The following TTC38 variants were observed in gnomAD, a reference collection of about 807,000 sequenced individuals.
TTC38 encodes tetratricopeptide repeat protein 38.
A neutral mutation model predicts 64.2 loss-of-function variants in TTC38; 64 were observed. The ratio of observed to expected loss-of-function variants is 1.00; its 90% confidence interval spans 0.81 to 1.23. The LOEUF is 1.23. Ranked by LOEUF, TTC38 falls within the 50% of genes most tolerant of loss-of-function variation. The pLI is 0.00. For missense variants in TTC38, 573 were observed against 615.5 expected, an observed-to-expected ratio of 0.93 and a Z score of 0.73; for synonymous variants, 254 against 249.3, an observed-to-expected ratio of 1.02 and a Z score of -0.18.
intron 9 of TTC38, among the ~76,000 whole-genome samples, chr22:46,286,661 C>T (rs1397163155): frequency 8.8e-6 from 1 of 113,138 alleles, no homozygotes; most frequent in Non-Finnish European, 1.9e-5. Flanking sequence ...GACCCTATCT[C>T]AAAAAAAAAA....
rs369503686 is a variant in TTC38 at position 46,274,041 on chromosome 22, G to A, written c.337G>A (p.Val113Met). 55 of 1,613,950 alleles carry A rather than the reference G, an allele frequency of 3.4e-5. No individual in the cohort carries two copies. The highest frequency in any genetic ancestry group is 1.9e-4 in the African/African-American group (14 of 74,922). Residue 113 changes from valine to methionine, a missense_variant, in exon 4 of 14, where the codon GTG becomes ATG. Physicochemically the swap from Val to Met is conservative, Grantham distance 21. Transcript: ENST00000381031. The surrounding 1 kb of genome is among the most constrained non-coding windows in gnomAD (Gnocchi z 4.8). ...GCTGACAAGGCGGGAGCAGCTGCAC[G>A]TGTCTGCAGTAGAGACATTTGCCAA... Reference protein sequence around the residue: ...QPLTRREQLHVSAVETFANGN... With the variant: ...QPLTRREQLHMSAVETFANGN...
chr22:46,280,181 A>G (rs2077523436), intron 6 of TTC38: 2 of 471,176 alleles, frequency 4.2e-6, no homozygotes, highest in Non-Finnish European at 8.8e-6. Flanking sequence ...CTGCAGCCCC[A>G]GGCTGGTGAG....
intron 13 of TTC38, among the ~76,000 whole-genome samples, chr22:46,290,386 C>G (rs912248629): frequency 6.6e-6 from 1 of 150,484 alleles, no homozygotes; most frequent in Non-Finnish European, 1.5e-5. Context: ...CCCACAGACA[C>G]GTAAACTCGC....
intron 7 of TTC38, among the ~76,000 whole-genome samples, chr22:46,283,089 T>G (rs1156794601): frequency 6.6e-6 from 1 of 151,764 alleles, no homozygotes; most frequent in Non-Finnish European, 1.5e-5. Flanking sequence ...CCACCACACC[T>G]GGCTAATTAA....
rs758873008 is a variant in TTC38, at chr22:46,289,812, G to A, written c.1243-14G>A. The stretch of plus-strand genomic sequence containing the variant: ...TGAGGTACAGGAGACTCACATGCCC[G>A]ATTGACATTTCAGAGAGACGTCTTC... On this transcript the variant is annotated splice_polypyrimidine_tract_variant and intron_variant, in intron 12 of 13. Coordinates refer to ENST00000381031, the MANE Select transcript of TTC38 (RefSeq NM_017931.4). 4.3e-6 allele frequency: 7 copies of A among 1,614,070 alleles called. No homozygotes were observed. The Admixed American group carries it at 6.7e-5, about 15-fold the overall frequency.
At position 46,271,231 on chromosome 22, in the gene TTC38, CTTTTCTT is replaced by C. The variant is rs1204135469; in HGVS notation, c.112-1092_112-1086del. 2.0e-5 allele frequency among the ~76,000 whole-genome samples: 3 copies of C among 152,114 alleles called. No individual in the cohort carries two copies. The highest frequency in any genetic ancestry group is 4.8e-5 in the African/African-American group (2 of 41,442). ...GTCAGGAGGAACCTGCCTTTTCTTTCTTTTCTTTTTTCTTTTTTTTCTTTTTTGAGAC... is the reference window on the plus strand; with the variant it reads ...GTCAGGAGGAACCTGCCTTTTCTTTCTTTTCTTTTTTTTCTTTTTTGAGAC... On this transcript the variant is annotated intron_variant, in intron 2 of 13. Transcript: ENST00000381031. The surrounding 1 kb of genome is among the most constrained non-coding windows in gnomAD (Gnocchi z 5.5).
rs2077542393 is a variant in TTC38 at position 46,282,482 on chromosome 22, G to A, written c.735+764G>A. Among the ~76,000 whole-genome samples the A allele has an allele frequency of 6.6e-6, 1 of 152,216 alleles. No homozygotes were observed. The highest frequency in any genetic ancestry group is 2.4e-5 in the African/African-American group (1 of 41,444). ...GCTCAAGGGAGATGGGGCCTCCCCT[G>A]GGACAGGGACACAGCGTCGCTCACT... On this transcript the variant is annotated intron_variant, in intron 7 of 13. Transcript: ENST00000381031. This position sits in a 1 kb window ranked among gnomAD's most constrained non-coding sequence, Gnocchi z 4.4.
At position 46,284,024 on chromosome 22, in the gene TTC38, A is replaced by AT; in HGVS notation, c.789dup (p.Glu264Ter). ...CTATTGGCACTGGGCTTTATATCTG[A>AT]TTGAGAAGGTAAGGTGACCATCTGT... On this transcript the variant is annotated frameshift_variant, in exon 8 of 14. Coordinates refer to ENST00000381031, the MANE Select transcript of TTC38 (RefSeq NM_017931.4). LOFTEE classifies it high-confidence loss of function. The AT allele has an allele frequency of 6.2e-7, 1 of 1,602,128 alleles. No individual in the cohort carries two copies. The highest frequency in any genetic ancestry group is 8.5e-7 in the Non-Finnish European group (1 of 1,175,694).
At chr22:46,278,037 C>T (rs2077506134) in intron 5 of TTC38, among the ~76,000 whole-genome samples, 1 of 152,244 alleles carries the variant, frequency 6.6e-6, no homozygotes, top group African/African-American at 2.4e-5. Flanking sequence ...GTAATGTTCA[C>T]CTTGCCCCTC....
At position 46,276,824 on chromosome 22, in the gene TTC38, A is replaced by T. The variant is rs896599333; in HGVS notation, c.539+1403A>T. ...ATTATATATTAAAATATATATATTA[A>T]ATATATATATATATATAAACATATA... is the stretch of plus-strand genomic sequence containing the variant. On this transcript the variant is annotated intron_variant, in intron 5 of 13. Transcript: ENST00000381031. This position sits in a 1 kb window ranked among gnomAD's most constrained non-coding sequence, Gnocchi z 4.7. 6.4e-5 allele frequency among the ~76,000 whole-genome samples: 9 copies of T among 139,554 alleles called. No individual in the cohort carries two copies. The highest frequency in any genetic ancestry group is 1.9e-4 in the African/African-American group (7 of 36,130). 91.6% of individuals were successfully genotyped at this position (139,554 alleles called of 152,430 possible).
At position 46,289,453 on chromosome 22, in the gene TTC38, C is replaced by G. The variant is rs757878768; in HGVS notation, c.1134C>G (p.Pro378=). ...TCCTGGCCCGAGACGTGGGGCTGCC[C>G]CTGTGCCAGGCCCTGGTGGAGGCTG... ...QHLLARDVGL[P]LCQALVEAED... The change falls in exon 12 of 14, where the codon CCC becomes CCG. Residue 378 remains proline (P), a synonymous_variant. Coordinates refer to ENST00000381031, the MANE Select transcript of TTC38 (RefSeq NM_017931.4). 5.0e-6 allele frequency: 8 copies of G among 1,609,616 alleles called. No homozygotes were observed. The highest frequency in any genetic ancestry group is 5.9e-6 in the Non-Finnish European group (7 of 1,179,744).
intron 9 of TTC38, among the ~76,000 whole-genome samples, 196 bp downstream of exon 9, chr22:46,285,475 G>A (rs931517542): frequency 1.3e-5 from 2 of 152,122 alleles, no homozygotes; most frequent in African/African-American, 2.4e-5. Context: ...TGGGGACAGT[G>A]GTTGGCCCTG....
chr22:46,289,180 TG>T (rs2077593589), intron 11 of TTC38, among the ~76,000 whole-genome samples: 1 of 152,126 alleles, frequency 6.6e-6, no homozygotes, highest in African/African-American at 2.4e-5. Context: ...GGCTGGAAGG[TG>T]GGGGACCAGG....
Position 46,291,894 on chromosome 22 carries a change from TG to T in TTC38, c.1317-896del, listed in dbSNP as rs2077618790. On this transcript the variant is annotated intron_variant, in intron 13 of 13. Transcript: ENST00000381031. The surrounding 1 kb of genome is among the most constrained non-coding windows in gnomAD (Gnocchi z 4.6). ...TCGCTTGAACCTGGGAGGTGGAGGT[TG>T]CAGTGAGCCGAGATCGCGTCATTGC... is the stretch of plus-strand genomic sequence containing the variant. Among the ~76,000 whole-genome samples, 1 of 152,146 alleles carries T rather than the reference TG, an allele frequency of 6.6e-6. No homozygotes were observed. The highest frequency in any genetic ancestry group is 1.5e-5 in the Non-Finnish European group (1 of 68,012).
At position 46,275,371 on chromosome 22, in the gene TTC38, T is replaced by C. The variant is rs765262587; in HGVS notation, c.489T>C (p.Asp163=). The C allele has an allele frequency of 1.2e-6, 2 of 1,614,126 alleles. No individual in the cohort carries two copies. Among genetic ancestry groups the C allele is most frequent in the Admixed American group, 3.3e-5 (2 of 60,010 alleles). ...TGGGCTATCAGGAACAGATGAGAGATTCTGTTGCTCGAATTTACCCCTTCT... is the reference window on the plus strand; with the variant it reads ...TGGGCTATCAGGAACAGATGAGAGACTCTGTTGCTCGAATTTACCCCTTCT... ...FYLGYQEQMR[D]SVARIYPFWT... is the part of the protein sequence containing the mutation. The change falls in exon 5 of 14, where the codon GAT becomes GAC. Residue 163 remains aspartate, a synonymous_variant. Coordinates refer to ENST00000381031, the MANE Select transcript of TTC38 (RefSeq NM_017931.4). This position sits in a 1 kb window ranked among gnomAD's most constrained non-coding sequence, Gnocchi z 4.5.
Position 46,270,067 on chromosome 22 carries a change from C to T in TTC38, c.111+1476C>T, listed in dbSNP as rs528614741. 6.6e-6 allele frequency among the ~76,000 whole-genome samples: 1 copy of T among 152,346 alleles called. No individual in the cohort carries two copies. Among genetic ancestry groups the T allele is most frequent in the East Asian group, 1.9e-4 (1 of 5,184 alleles). On this transcript the variant is annotated intron_variant, in intron 2 of 13. Transcript: ENST00000381031. The surrounding 1 kb of genome is among the most constrained non-coding windows in gnomAD (Gnocchi z 4.7). ...TTGGCCTCTCAAAGTGCTGGGATTA[C>T]AGGCGTGAGCCACTGTGCCCGGCCC...
chr22:46,285,350 T>C, intron 9 of TTC38, 71 bp downstream of exon 9: 1 of 1,451,290 alleles, frequency 6.9e-7, no homozygotes. Flanking sequence ...GACCAGATTT[T>C]TGAGTTCATC....
intron 11 of TTC38, among the ~76,000 whole-genome samples, chr22:46,289,147 C>T (rs1223928290): frequency 2.0e-5 from 3 of 152,202 alleles, no homozygotes; most frequent in Admixed American, 6.5e-5. Context: ...ACTGTTATGC[C>T]TGCTTACAGA....
In TTC38 at chr22:46,281,538, C is replaced by G; in HGVS notation, c.616-61C>G. ...TTGCCCCTTAGAGACCTGCCGTCGCCTGCCCCGGCAGCCTGACTGATCTGC... is the reference window on the plus strand; with the variant it reads ...TTGCCCCTTAGAGACCTGCCGTCGCGTGCCCCGGCAGCCTGACTGATCTGC... On this transcript the variant is annotated intron_variant, in intron 6 of 13. Coordinates refer to ENST00000381031, the MANE Select transcript of TTC38 (RefSeq NM_017931.4). This position sits in a 1 kb window ranked among gnomAD's most constrained non-coding sequence, Gnocchi z 5.2. 1.1e-5 allele frequency: 17 copies of G among 1,601,270 alleles called. No homozygotes were observed. The highest frequency in any genetic ancestry group is 1.4e-5 in the Non-Finnish European group (16 of 1,171,380).
Sources: allele counts gnomAD v4.1 joint callset (sites outside exome capture counted in the v4.1 genomes callset), GRCh38; gene constraint gnomAD v4.1.1; non-coding constraint Gnocchi (gnomAD v3.1); transcripts MANE v1.5; gene names NCBI Gene and HGNC (gene_info 2026-07-23, HGNC 2026-07-21).